RNF11: variants seen among roughly 807,000 people sequenced by gnomAD.
RNF11 encodes ring finger protein 11.
Under a neutral mutation model 15.8 loss-of-function variants are expected in RNF11, and 4 were observed. That is an observed-to-expected ratio of 0.25 (90% CI 0.12 to 0.58). RNF11 has a LOEUF of 0.58. Ranked by LOEUF, RNF11 falls within the 20% of genes least tolerant of loss-of-function variation. The probability of loss-of-function intolerance (pLI) is 0.91; values close to 1 mark genes in which losing one functional copy is unlikely to be tolerated. For synonymous variants in RNF11, 68 were observed against 72.3 expected (o/e 0.94, Z 0.30); for missense variants, 139 against 194.4 (o/e 0.71, Z 1.70).
At chr1:51,248,477 C>T (rs898342192) in intron 1 of RNF11, among the ~76,000 whole-genome samples, 1 of 152,066 alleles carries the variant, frequency 6.6e-6, no homozygotes, top group African/African-American at 2.4e-5. Context: ...GCTGGGATTA[C>T]TGGCGTCAGC....
At chr1:51,265,428 C>T (rs1646950453) in intron 1 of RNF11, among the ~76,000 whole-genome samples, 1 of 152,004 alleles carries the variant, frequency 6.6e-6, no homozygotes, top group Non-Finnish European at 1.5e-5. Context: ...TGCATTTTTC[C>T]ACAATGCATA....
At chr1:51,243,367 A>C (rs1210494912) in intron 1 of RNF11, among the ~76,000 whole-genome samples, 1 of 152,138 alleles carries the variant, frequency 6.6e-6, no homozygotes, top group Non-Finnish European at 1.5e-5. Context: ...CATTCATTTT[A>C]TACCATGTTG....
chr1:51,253,086 A>G (rs1160098875), intron 1 of RNF11, among the ~76,000 whole-genome samples: 1 of 151,656 alleles, frequency 6.6e-6, no homozygotes, highest in Non-Finnish European at 1.5e-5. Context: ...CTGCCTCCCA[A>G]CGTGCTGGGT....
intron 1 of RNF11, among the ~76,000 whole-genome samples, chr1:51,266,428 A>T (rs1254642343): frequency 6.6e-6 from 1 of 151,086 alleles, no homozygotes; most frequent in East Asian, 1.9e-4. Flanking sequence ...TTGAGACAGC[A>T]GTTTTTCTTT....
At chr1:51,239,659 T>C (rs1646820115) in intron 1 of RNF11, among the ~76,000 whole-genome samples, 1 of 152,124 alleles carries the variant, frequency 6.6e-6, no homozygotes, top group African/African-American at 2.4e-5. Flanking sequence ...CAGGTGATCC[T>C]CCTCCCTCAG....
chr1:51,256,559 A>G (rs1385601581), intron 1 of RNF11, among the ~76,000 whole-genome samples: 1 of 152,056 alleles, frequency 6.6e-6, no homozygotes, highest in Admixed American at 6.6e-5. Context: ...GTATTTTTCA[A>G]CTCCTTTGGG....
intron 1 of RNF11, among the ~76,000 whole-genome samples, chr1:51,257,031 C>T (rs1646906902): frequency 6.6e-6 from 1 of 152,234 alleles, no homozygotes; most frequent in Admixed American, 6.5e-5. Flanking sequence ...TGTTACCACA[C>T]ATCCTTGCCA....
intron 1 of RNF11, 29 bp downstream of exon 1, chr1:51,236,908 G>T (rs1286550452): frequency 1.9e-6 from 3 of 1,590,904 alleles, no homozygotes; most frequent in East Asian, 4.6e-5. Flanking sequence ...TGGGGGGAGC[G>T]AGTAGAGGCA....
At chr1:51,261,045 CAT>C (rs1250143674) in intron 1 of RNF11, among the ~76,000 whole-genome samples, 10 of 152,176 alleles carry the variant, frequency 6.6e-5, no homozygotes, top group African/African-American at 2.4e-4. Flanking sequence ...TCCTTTTTCA[CAT>C]ATACCTCACC....
chr1:51,271,077 A>G (rs747297551), intron 2 of RNF11, 74 bp from the exon 3 acceptor site: 5 of 1,237,816 alleles, frequency 4.0e-6, no homozygotes, highest in Non-Finnish European at 5.8e-6. Flanking sequence ...ACTGTCTTTA[A>G]TGGGATTTAA....
At chr1:51,267,375 A>G (rs926046744) in intron 1 of RNF11, among the ~76,000 whole-genome samples, 2 of 152,180 alleles carry the variant, frequency 1.3e-5, no homozygotes, top group African/African-American at 4.8e-5. Flanking sequence ...TGGTGATTCA[A>G]TAGGAGGGCT....
At chr1:51,236,997 C>G in intron 1 of RNF11, 118 bp downstream of exon 1, 4 of 1,328,930 alleles carry the variant, frequency 3.0e-6, no homozygotes, top group Non-Finnish European at 4.0e-6. Context: ...CGGCATTGAC[C>G]CCTTAGGGCT....
chr1:51,242,052 G>A (rs575424616), intron 1 of RNF11, among the ~76,000 whole-genome samples: 4 of 152,220 alleles, frequency 2.6e-5, no homozygotes, highest in African/African-American at 9.6e-5. Flanking sequence ...TTTGAGATTC[G>A]CCAGTCTTCT....
intron 1 of RNF11, among the ~76,000 whole-genome samples, chr1:51,244,536 G>A (rs184335917): frequency 5.5e-4 from 84 of 152,122 alleles, no homozygotes; most frequent in African/African-American, 1.8e-3. Flanking sequence ...ACAGGTGCCC[G>A]CCACCACACC....
At chr1:51,246,404 G>A (rs1435686068) in intron 1 of RNF11, among the ~76,000 whole-genome samples, 3 of 151,424 alleles carry the variant, frequency 2.0e-5, no homozygotes, top group African/African-American at 7.3e-5. Flanking sequence ...GCGAGATCTC[G>A]TCTCTACAAA....
intron 1 of RNF11, chr1:51,250,951 G>T (rs940117126): frequency 8.4e-5 from 108 of 1,282,366 alleles, no homozygotes; most frequent in Admixed American, 1.9e-4. Context: ...ACGGTGTGGG[G>T]CTTGCCAATC....
intron 1 of RNF11, among the ~76,000 whole-genome samples, chr1:51,247,933 TAAG>T (rs995163519): frequency 6.6e-6 from 1 of 152,206 alleles, no homozygotes; most frequent in Non-Finnish European, 1.5e-5. Flanking sequence ...TGAATGGCTT[TAAG>T]AAGAGTGAGA....
At chr1:51,240,714 C>T (rs1048314817) in intron 1 of RNF11, among the ~76,000 whole-genome samples, 3 of 152,068 alleles carry the variant, frequency 2.0e-5, no homozygotes, top group Non-Finnish European at 4.4e-5. Context: ...TTCCTAGTGC[C>T]ATTTTTGCTT....
At chr1:51,260,766 A>C (rs1646927418) in intron 1 of RNF11, among the ~76,000 whole-genome samples, 1 of 152,176 alleles carries the variant, frequency 6.6e-6, no homozygotes, top group East Asian at 1.9e-4. Context: ...ATAATTTGGC[A>C]TGTTGGAAAA....
Sources: gnomAD v4.1 joint callset for allele counts (sites outside exome capture counted in the v4.1 genomes callset) on GRCh38, gnomAD v4.1.1 for gene constraint, MANE v1.5 for transcripts, NCBI Gene and HGNC (gene_info 2026-07-23, HGNC 2026-07-21) for gene names.